Variants in AXIN2 observed in about 807,000 individuals in gnomAD.
AXIN2 encodes axin 2.
In AXIN2, 21 loss-of-function variants were observed where a neutral mutation model predicts 74.7. That is an observed-to-expected ratio of 0.28 (90% confidence interval 0.20 to 0.40). AXIN2 has a LOEUF of 0.40. AXIN2 is among the 10% of genes least tolerant of loss of function. The probability of loss-of-function intolerance (pLI) is 1.00; values close to 1 mark genes in which losing one functional copy is unlikely to be tolerated. For synonymous variants in AXIN2, 532 were observed against 454.9 expected (o/e 1.17, Z -2.16); for missense variants, 1,144 against 1,111.1 (o/e 1.03, Z -0.42).
Position 65,549,626 on chromosome 17 carries a change from G to C in AXIN2, c.850C>G (p.His284Asp), listed in dbSNP as rs2144539626. The C allele has an allele frequency of 6.2e-7, 1 of 1,604,812 alleles. No individual in the cohort carries two copies. ...GCAAAGACATAGCCAGAACCTATGT[G>C]ATAAGGATTAACAGGATCGCTCCTC... ...FKRSDPVNPYHIGSGYVFAPA... is the reference protein window; with the variant it reads ...FKRSDPVNPYDIGSGYVFAPA... Residue 284 changes from histidine (H) to aspartate (D), a missense_variant, in exon 3 of 11, where the codon CAC (histidine) becomes GAC (aspartate). Transcript: ENST00000307078.
At chr17:65,548,442 C>A (rs937738402) in intron 3 of AXIN2, among the ~76,000 whole-genome samples, 9 of 152,220 alleles carry the variant, frequency 5.9e-5, no homozygotes, top group African/African-American at 2.2e-4. Context: ...AAGGAACAAA[C>A]TCTAAATAAG....
intron 2 of AXIN2, among the ~76,000 whole-genome samples, chr17:65,554,895 G>A (rs921948668): frequency 1.3e-5 from 2 of 152,088 alleles, no homozygotes; most frequent in East Asian, 1.9e-4. Context: ...ACCCCCCTTC[G>A]CACACACCTC....
At position 65,529,344 on chromosome 17, in the gene AXIN2, G is replaced by GA. The variant is rs796431470; in HGVS notation, c.*631dup. The GA allele has an allele frequency of 0.058, 10,602 of 184,298 alleles. 95 individuals carry two copies. The highest frequency in any genetic ancestry group is 0.08 in the Middle Eastern group (38 of 476). 11.4% of individuals were successfully genotyped at this position (184,298 alleles called of 1,614,324 possible). On this transcript the variant is annotated 3_prime_UTR_variant, in exon 11 of 11. Coordinates refer to ENST00000307078, the MANE Select transcript of AXIN2 (RefSeq NM_004655.4). ...TTTAAGACAAAACAGAGCAGCATAG[G>GA]AAAAAAAAAAACAAAACGCACCAAT...
rs936422579 is a variant in AXIN2, at chr17:65,528,877, CTT to C, written c.*1097_*1098del. On this transcript the variant is annotated 3_prime_UTR_variant, in exon 11 of 11. Coordinates refer to ENST00000307078, the MANE Select transcript of AXIN2 (RefSeq NM_004655.4). ...GCACTAGAGATAGTGGATTAATACT[CTT>C]TTGCCGTACACTATATACAGATGTA... The C allele has an allele frequency of 5.8e-5, 23 of 398,062 alleles. No individual in the cohort carries two copies. The highest frequency in any genetic ancestry group is 7.0e-4 in the Middle Eastern group (2 of 2,844). 24.7% of individuals were successfully genotyped at this position (398,062 alleles called of 1,614,324 possible).
At position 65,558,069 on chromosome 17, in the gene AXIN2, T is replaced by C. The variant is rs1445180364; in HGVS notation, c.552A>G (p.Glu184=). The change falls in exon 2 of 11, where the codon GAA becomes GAG. Residue 184 remains glutamate, a synonymous_variant. Coordinates refer to ENST00000307078, the MANE Select transcript of AXIN2 (RefSeq NM_004655.4). The part of the protein sequence containing the change: ...AQTEIQSVME[E]NAYQMFLTSD... ...AAGTCAAAAACATCTGGTAGGCATT[T>C]TCCTCCATCACCGACTGGATCTCGG... is the stretch of plus-strand genomic sequence containing the variant. 6.2e-7 allele frequency: 1 copy of C among 1,614,048 alleles called. No individual in the cohort carries two copies. The highest frequency in any genetic ancestry group is 8.5e-7 in the Non-Finnish European group (1 of 1,180,056).
At chr17:65,548,476 A>G (rs929240111) in intron 3 of AXIN2, among the ~76,000 whole-genome samples, 8 of 152,222 alleles carry the variant, frequency 5.3e-5, no homozygotes, top group Non-Finnish European at 7.3e-5. Context: ...ACACGGTTCA[A>G]TGGGTTTGCC....
intron 9 of AXIN2, among the ~76,000 whole-genome samples, chr17:65,534,673 A>G (rs1465593262): frequency 2.0e-5 from 3 of 152,136 alleles, no homozygotes; most frequent in Non-Finnish European, 4.4e-5. Flanking sequence ...TCACGCCTGT[A>G]ATCCCAGCAC....
At chr17:65,557,487 A>G (rs2044283735) in intron 2 of AXIN2, among the ~76,000 whole-genome samples, 1 of 152,180 alleles carries the variant, frequency 6.6e-6, no homozygotes, top group Admixed American at 6.5e-5. Flanking sequence ...GGTGACTCAG[A>G]GGCATCAAAA....
In AXIN2 at chr17:65,536,551, G is replaced by T; in HGVS notation, c.1910C>A (p.Ala637Asp). 1 of 1,613,684 alleles carries T rather than the reference G, an allele frequency of 6.2e-7. No individual in the cohort carries two copies. Among genetic ancestry groups the T allele is most frequent in the Non-Finnish European group, 8.5e-7 (1 of 1,179,970 alleles). ...ERQSKPKPHS[A>D]QSTKKAYPLE... ...GGGGTAGGCCTTTTTTGTGCTTTGGGCACTAAACAAGGAATGAGCAGAGAG... is the reference window on the plus strand; with the variant it reads ...GGGGTAGGCCTTTTTTGTGCTTTGGTCACTAAACAAGGAATGAGCAGAGAG... The change falls in exon 8 of 11, where the codon GCC becomes GAC. Residue 637 changes from alanine to aspartate, a missense_variant and splice_region_variant. This residue lies in a region of AXIN2 where 1,053 missense variants were observed against 973.5 expected (regional missense o/e 1.08). Transcript: ENST00000307078.
Position 65,558,040 on chromosome 17 carries a change from T to C in AXIN2, c.581A>G (p.Asp194Gly), listed in dbSNP as rs2044297845. The C allele has an allele frequency of 6.2e-7, 1 of 1,614,082 alleles. No homozygotes were observed. Among genetic ancestry groups the C allele is most frequent in the East Asian group, 2.2e-5 (1 of 44,872 alleles). ...ENAYQMFLTSDIYLEYVRSGG... is the reference protein window; with the variant it reads ...ENAYQMFLTSGIYLEYVRSGG... Reference sequence around the variant, plus strand: ...ACTCCTCACATATTCGAGGTATATATCAGAAGTCAAAAACATCTGGTAGGC... The same window carrying C: ...ACTCCTCACATATTCGAGGTATATACCAGAAGTCAAAAACATCTGGTAGGC... Residue 194 changes from aspartate to glycine, a missense_variant, in exon 2 of 11, where the codon GAT becomes GGT. Physicochemically the swap from Asp to Gly is moderately conservative, Grantham distance 94 (BLOSUM62 -1). Transcript: ENST00000307078.
In AXIN2 at chr17:65,538,625, T is replaced by C. The variant is rs4464120; in HGVS notation, c.1060-282A>G. ...TGTAGTACAACCAGCCCATCAGTAG[T>C]TACTTTGAAGTAGAAAATCTTCAAA... is the stretch of plus-strand genomic sequence containing the variant. On this transcript the variant is annotated intron_variant, in intron 4 of 10. Transcript: ENST00000307078. 1 allele frequency among the ~76,000 whole-genome samples: 93,213 copies of C among 93,214 alleles called. 46,606 individuals are homozygous for C. The highest frequency in any genetic ancestry group is 1 in the Non-Finnish European group (44,900 of 44,900). The allele number at this position is 93,214 out of a possible 152,430, so 61.2% of individuals were successfully genotyped here.
chr17:65,556,579 G>A (rs1251046172), intron 2 of AXIN2, among the ~76,000 whole-genome samples: 1 of 152,116 alleles, frequency 6.6e-6, no homozygotes. Context: ...CGCGCCCCCT[G>A]GTGGTTGGAG....
rs117308032 is a variant in AXIN2 at position 65,552,437 on chromosome 17, C to T, written c.816-2777G>A. Reference sequence around the variant, plus strand: ...GGATACTGCCTTGAAGCAGGATGCACACGATGACTTCCTTGGGGCCTTTTC... The same window carrying T: ...GGATACTGCCTTGAAGCAGGATGCATACGATGACTTCCTTGGGGCCTTTTC... On this transcript the variant is annotated intron_variant, in intron 2 of 10. Transcript: ENST00000307078. Among the ~76,000 whole-genome samples, 23 of 152,280 alleles carry T rather than the reference C, an allele frequency of 1.5e-4. No individual in the cohort carries two copies. The East Asian group carries it at 2.9e-3, about 19-fold the overall frequency.
chr17:65,554,859 T>C (rs1368646586), intron 2 of AXIN2, among the ~76,000 whole-genome samples: 1 of 152,192 alleles, frequency 6.6e-6, no homozygotes. Context: ...CCAAAATAAA[T>C]GCTGGGCCCA....
rs147521794 is a variant in AXIN2 at position 65,545,093 on chromosome 17, A to C, written c.957-3536T>G. 9.2e-5 allele frequency among the ~76,000 whole-genome samples: 14 copies of C among 152,342 alleles called. No homozygotes were observed. In the East Asian group the frequency reaches 1.9e-3, roughly 21 times the overall value. ...CATTCCCTGTGTGAAACACCAAAAAATCATCTTGTGCTGATTTGGGGACAC... is the reference window on the plus strand; with the variant it reads ...CATTCCCTGTGTGAAACACCAAAAACTCATCTTGTGCTGATTTGGGGACAC... On this transcript the variant is annotated intron_variant, in intron 3 of 10. Transcript: ENST00000307078.
chr17:65,540,783 G>A (rs766200703), intron 4 of AXIN2, among the ~76,000 whole-genome samples: 10 of 152,196 alleles, frequency 6.6e-5, no homozygotes, highest in South Asian at 2.1e-4. Flanking sequence ...TTCCCCTTGC[G>A]CATCATGATT....
In AXIN2 at chr17:65,558,608, T is replaced by G; in HGVS notation, c.13A>C (p.Met5Leu). MSSA[M>L]LVTCLPDPSS... ...GGGTCCGGGAGGCAAGTCACCAACA[T>G]AGCGCTACTCATGGTGAGGGAGCTC... is the stretch of plus-strand genomic sequence containing the variant. The change falls in exon 2 of 11, where the codon ATG (methionine) becomes CTG (leucine). Residue 5 changes from methionine (M) to leucine (L), a missense_variant. Around this residue, in one of 4 missense-constraint regions of AXIN2, gnomAD observed 23 missense variants for 20.8 expected, o/e 1.11. Transcript: ENST00000307078. The G allele has an allele frequency of 6.2e-7, 1 of 1,607,626 alleles. No individual in the cohort carries two copies. Among genetic ancestry groups the G allele is most frequent in the Non-Finnish European group, 8.5e-7 (1 of 1,179,972 alleles).
At chr17:65,533,335 C>T (rs181813667) in intron 10 of AXIN2, among the ~76,000 whole-genome samples, 6 of 152,298 alleles carry the variant, frequency 3.9e-5, no homozygotes, top group Admixed American at 1.3e-4. Flanking sequence ...TGGACAAAGG[C>T]GCATCTCTGC....
At chr17:65,541,671 A>G (rs2044045809) in intron 3 of AXIN2, 114 bp from the exon 4 acceptor site, 1 of 880,950 alleles carries the variant, frequency 1.1e-6, no homozygotes, top group African/African-American at 1.6e-5. Flanking sequence ...ACATGCTTCC[A>G]TAGGAGTGTC....
Sources: gnomAD v4.1 joint callset for allele counts (sites outside exome capture counted in the v4.1 genomes callset) on GRCh38, gnomAD v4.1.1 for gene constraint, gnomAD v4.1.1 regional missense constraint, MANE v1.5 for transcripts, NCBI Gene and HGNC (gene_info 2026-07-23, HGNC 2026-07-21) for gene names.